The following PLCG2 variants were observed in gnomAD, a reference collection of about 807,000 sequenced individuals.
The protein encoded by PLCG2 is 1-phosphatidylinositol 4,5-bisphosphate phosphodiesterase gamma-2.
A neutral mutation model predicts 175.6 loss-of-function variants in PLCG2; 69 were observed. The observed-to-expected ratio is 0.39, with a 90% CI of 0.32 to 0.48. The LOEUF (loss-of-function observed/expected upper bound fraction) is 0.48, where lower values mean the gene tolerates loss of function less well. PLCG2 is among the 20% of genes least tolerant of loss of function. The probability of loss-of-function intolerance (pLI) is 0.91; values close to 1 mark genes in which losing one functional copy is unlikely to be tolerated. For missense variants in PLCG2, 1,798 were observed against 1,650.9 expected, an observed-to-expected ratio of 1.09 and a Z score of -1.54; for synonymous variants, 827 against 624.0, an observed-to-expected ratio of 1.33 and a Z score of -4.85.
At chr16:81,813,337 C>G (rs1214198164) in intron 2 of PLCG2, among the ~76,000 whole-genome samples, 1 of 152,156 alleles carries the variant, frequency 6.6e-6, no homozygotes, top group Non-Finnish European at 1.5e-5. Flanking sequence ...TGTGTCCTCT[C>G]TTATTTCCTT....
chr16:81,741,779 C>G (rs1040007909), intron 1 of PLCG2, among the ~76,000 whole-genome samples: 6 of 151,998 alleles, frequency 3.9e-5, no homozygotes, highest in African/African-American at 1.5e-4. Flanking sequence ...CCACTGAACT[C>G]TAGCCTGGGC....
chr16:81,803,114 T>C (rs1049302717), intron 2 of PLCG2, among the ~76,000 whole-genome samples: 2 of 112,970 alleles, frequency 1.8e-5, no homozygotes, highest in Non-Finnish European at 3.7e-5. Flanking sequence ...TGCATTTCAC[T>C]TTTTTTTTTT....
rs145318165 is a variant in PLCG2 at position 81,795,325 on chromosome 16, G to A, written c.193+9143G>A. Among the ~76,000 whole-genome samples, 25 of 152,340 alleles carry A rather than the reference G, an allele frequency of 1.6e-4. No individual in the cohort carries two copies. The East Asian group carries it at 3.9e-3, about 24-fold the overall frequency. On this transcript the variant is annotated intron_variant, in intron 2 of 32. Transcript: ENST00000564138. Reference sequence around the variant, plus strand: ...CTCAGGGTGGCCTCTCTGTAGAGGTGATGTTTGAGCTGAGACTTGAAGGGT... The same window carrying A: ...CTCAGGGTGGCCTCTCTGTAGAGGTAATGTTTGAGCTGAGACTTGAAGGGT...
chr16:81,786,219 T>G, intron 2 of PLCG2, 37 bp downstream of exon 2: 2 of 1,562,922 alleles, frequency 1.3e-6, no homozygotes, highest in Non-Finnish European at 1.8e-6. Context: ...TGGCCCGTCC[T>G]CTGGGGCCCT....
chr16:81,842,391 A>G (rs1250001186), intron 2 of PLCG2, among the ~76,000 whole-genome samples: 1 of 151,976 alleles, frequency 6.6e-6, no homozygotes, highest in African/African-American at 2.4e-5. Flanking sequence ...TCCCTCCCAG[A>G]CTCGGAGCCG....
intron 2 of PLCG2, among the ~76,000 whole-genome samples, chr16:81,840,120 C>T (rs1259634339): frequency 6.6e-6 from 1 of 152,226 alleles, no homozygotes; most frequent in African/African-American, 2.4e-5. Context: ...GCACATAAAG[C>T]TCCTCATTTT....
intron 5 of PLCG2, among the ~76,000 whole-genome samples, chr16:81,860,418 G>A (rs1483084527): frequency 6.6e-6 from 1 of 151,912 alleles, no homozygotes; most frequent in East Asian, 1.9e-4. Flanking sequence ...TCTCAGAAAC[G>A]AATACCAGCA....
rs1381167403 is a variant in PLCG2, at chr16:81,919,551, G to A, written c.2122G>A (p.Ala708Thr). 7.4e-6 allele frequency: 12 copies of A among 1,613,922 alleles called. No homozygotes were observed. Among genetic ancestry groups the A allele is most frequent in the African/African-American group, 1.3e-5 (1 of 74,904 alleles). Residue 708 changes from alanine (A) to threonine (T), a missense_variant, in exon 20 of 33, where the codon GCC becomes ACC. Coordinates refer to ENST00000564138, the MANE Select transcript of PLCG2 (RefSeq NM_002661.5). ...CCGGCACTTTGTGCTGGGGACCTCCGCCTATTTTGAGAGTCTGGTGGAGCT... is the reference window on the plus strand; with the variant it reads ...CCGGCACTTTGTGCTGGGGACCTCCACCTATTTTGAGAGTCTGGTGGAGCT... ...DGRHFVLGTSAYFESLVELVS... is the reference protein window; with the variant it reads ...DGRHFVLGTSTYFESLVELVS...
intron 2 of PLCG2, among the ~76,000 whole-genome samples, chr16:81,838,571 G>T (rs571349810): frequency 6.6e-6 from 1 of 151,838 alleles, no homozygotes; most frequent in Non-Finnish European, 1.5e-5. Context: ...AGAACACATG[G>T]ACAGAGGGAG....
intron 1 of PLCG2, among the ~76,000 whole-genome samples, chr16:81,780,183 G>A (rs1434411100): frequency 6.6e-6 from 1 of 152,102 alleles, no homozygotes; most frequent in African/African-American, 2.4e-5. Context: ...ATGGCGCGAG[G>A]GAAACAGGTG....
chr16:81,938,965 T>C, intron 29 of PLCG2, 50 bp downstream of exon 29: 1 of 1,064,210 alleles, frequency 9.4e-7, no homozygotes, highest in Admixed American at 1.8e-5. Flanking sequence ...GGCCAGTGAA[T>C]CCTTTGTGGG....
chr16:81,855,226 T>C lies in PLCG2; in HGVS notation c.337+639T>C, dbSNP rs79130147. ...AAAAAAAAGAGAAGAAAAAGAAAAA[T>C]GTAACCTGTTTTCTTCCAGCAGATG... On this transcript the variant is annotated intron_variant, in intron 3 of 32. Transcript: ENST00000564138. 7.2e-3 allele frequency among the ~76,000 whole-genome samples: 1,050 copies of C among 145,496 alleles called. 9 individuals are homozygous for C. Among genetic ancestry groups the C allele is most frequent in the African/African-American group, 0.026 (1,024 of 39,462 alleles).
intron 9 of PLCG2, 135 bp from the exon 10 acceptor site, chr16:81,889,037 T>G: frequency 5.0e-6 from 3 of 595,664 alleles, no homozygotes; most frequent in East Asian, 2.9e-5. Context: ...GGCCTCAACA[T>G]GTGGTGGTCG....
intron 9 of PLCG2, among the ~76,000 whole-genome samples, chr16:81,888,166 A>G (rs1266245655): frequency 2.0e-5 from 3 of 152,194 alleles, no homozygotes; most frequent in Non-Finnish European, 2.9e-5. Context: ...TGAGATGACC[A>G]TAGGAGGAAG....
At position 81,962,255 on chromosome 16, in the gene PLCG2, G is replaced by A. The variant is rs1911805522; in HGVS notation, c.*4257G>A. ...ACCTCAACCCTTTTGACTTTAAAAG[G>A]AAAATAGCTTAACCTTCAACCTGTG... On this transcript the variant is annotated 3_prime_UTR_variant, in exon 33 of 33. Coordinates refer to ENST00000564138, the MANE Select transcript of PLCG2 (RefSeq NM_002661.5). 1 of 193,980 alleles carries A rather than the reference G, an allele frequency of 5.2e-6. No homozygotes were observed. Among genetic ancestry groups the A allele is most frequent in the African/African-American group, 2.3e-5 (1 of 43,224 alleles). 12.0% of individuals were successfully genotyped at this position (193,980 alleles called of 1,614,324 possible). A position where few individuals can be genotyped will look rare whatever the true frequency, so the allele number is the denominator to read the frequency against.
chr16:81,833,420 C>T (rs1243834049), intron 2 of PLCG2, among the ~76,000 whole-genome samples: 3 of 151,710 alleles, frequency 2.0e-5, no homozygotes, highest in Admixed American at 2.0e-4. Context: ...TGGCCGTTCC[C>T]TGTGGGTGAG....
intron 2 of PLCG2, among the ~76,000 whole-genome samples, chr16:81,820,682 G>C (rs1186466270): frequency 6.6e-6 from 1 of 151,960 alleles, no homozygotes; most frequent in African/African-American, 2.4e-5. Flanking sequence ...GTGCAGTGGC[G>C]CAATCTTGGC....
In PLCG2 at chr16:81,884,374, C is replaced by T. The variant is rs534531283; in HGVS notation, c.765+1033C>T. On this transcript the variant is annotated intron_variant, in intron 9 of 32. Coordinates refer to ENST00000564138, the MANE Select transcript of PLCG2 (RefSeq NM_002661.5). ...TCAGAAAACAAAAAACAAAAACACC[C>T]CCACCCCACCAAAAAAAAAAAAGTC... is the stretch of plus-strand genomic sequence containing the variant. Among the ~76,000 whole-genome samples, 81 of 151,962 alleles carry T rather than the reference C, an allele frequency of 5.3e-4. No homozygotes were observed. The Middle Eastern group carries it at 0.02, about 38-fold the overall frequency.
intron 2 of PLCG2, among the ~76,000 whole-genome samples, chr16:81,824,238 A>G (rs894123481): frequency 9.3e-5 from 14 of 151,288 alleles, no homozygotes; most frequent in African/African-American, 2.2e-4. Context: ...GCTTCAAGCA[A>G]TTCTCCTCCC....
Sources: allele counts gnomAD v4.1 joint callset (sites outside exome capture counted in the v4.1 genomes callset), GRCh38; gene constraint gnomAD v4.1.1; transcripts MANE v1.5; gene names NCBI Gene and HGNC (gene_info 2026-07-23, HGNC 2026-07-21).